Variants in RETREG3 observed in about 807,000 individuals in gnomAD.
The protein encoded by RETREG3 is reticulophagy regulator family member 3.
A neutral mutation model predicts 50.2 loss-of-function variants in RETREG3; 23 were observed. The observed-to-expected ratio is 0.46, with a 90% CI of 0.33 to 0.65. The LOEUF (loss-of-function observed/expected upper bound fraction) is 0.65, where lower values mean the gene tolerates loss of function less well. Among genes scored for constraint, RETREG3 ranks in the 30% least tolerant of loss-of-function variants. RETREG3 has a pLI of 0.02. For synonymous variants in RETREG3, 240 were observed against 234.4 expected, an observed-to-expected ratio of 1.02 and a Z score of -0.22; for missense variants, 546 against 598.0, an observed-to-expected ratio of 0.91 and a Z score of 0.91.
intron 1 of RETREG3, among the ~76,000 whole-genome samples, chr17:42,606,800 G>A (rs949101180): frequency 3.3e-5 from 5 of 151,790 alleles, no homozygotes; most frequent in Admixed American, 1.3e-4. Context: ...AGTTTGAGAC[G>A]AGCCTGGGCA....
chr17:42,601,696 G>A (rs112666141), intron 1 of RETREG3, among the ~76,000 whole-genome samples: 31,760 of 131,264 alleles, frequency 0.24, 4,374 homozygotes, highest in South Asian at 0.47. Flanking sequence ...GCAGTGGCGC[G>A]ATCTCGGGTC....
intron 2 of RETREG3, among the ~76,000 whole-genome samples, chr17:42,590,348 G>A (rs1254749947): frequency 6.6e-6 from 1 of 151,948 alleles, no homozygotes; most frequent in Non-Finnish European, 1.5e-5. Context: ...TCCAAAACCT[G>A]GACAACACAG....
rs2093114782 is a variant in RETREG3 at position 42,583,587 on chromosome 17, G to A, written c.728-7C>T. On this transcript the variant is annotated splice_region_variant and splice_polypyrimidine_tract_variant and intron_variant, in intron 6 of 8. Transcript: ENST00000309428. ...TGGAGAGCTCTGCGGCGTACTGTGG[G>A]AAGAGCACAAAGTCTTGCTTGATAC... is the stretch of plus-strand genomic sequence containing the variant. 6.2e-7 allele frequency: 1 copy of A among 1,612,408 alleles called. No individual in the cohort carries two copies. Among genetic ancestry groups the A allele is most frequent in the African/African-American group, 1.3e-5 (1 of 75,000 alleles).
chr17:42,584,834 A>C (rs969722688), intron 6 of RETREG3, among the ~76,000 whole-genome samples: 37 of 151,736 alleles, frequency 2.4e-4, no homozygotes, highest in South Asian at 2.1e-3. Context: ...AAAAAAAAAA[A>C]AAACAAACCA....
At chr17:42,584,317 G>A (rs1293802907) in intron 6 of RETREG3, among the ~76,000 whole-genome samples, 1 of 152,158 alleles carries the variant, frequency 6.6e-6, no homozygotes, top group African/African-American at 2.4e-5. Flanking sequence ...TGGTGACCAA[G>A]TGCAGGGCTC....
At chr17:42,589,625 G>A (rs2093128580) in intron 2 of RETREG3, among the ~76,000 whole-genome samples, 1 of 152,124 alleles carries the variant, frequency 6.6e-6, no homozygotes, top group Non-Finnish European at 1.5e-5. Context: ...GTAGAGACAA[G>A]GTTTCGCCAC....
chr17:42,583,549 G>A lies in RETREG3; in HGVS notation c.759C>T (p.Ala253=), dbSNP rs1382074298. 1 of 1,613,868 alleles carries A rather than the reference G, an allele frequency of 6.2e-7. No individual in the cohort carries two copies. Among genetic ancestry groups the A allele is most frequent in the South Asian group, 1.1e-5 (1 of 91,076 alleles). The change falls in exon 7 of 9, where the codon GCC becomes GCT. Residue 253 remains alanine, a synonymous_variant. Coordinates refer to ENST00000309428, the MANE Select transcript of RETREG3 (RefSeq NM_178126.4). ...LRRRALHPER[A]MDNHSDSEEE... is the part of the protein sequence containing the mutation. ...CTTCGCTGTCACTGTGGTTGTCCAT[G>A]GCTCGTTCTGGGTGGAGAGCTCTGC... is the stretch of plus-strand genomic sequence containing the variant.
chr17:42,608,801 C>T (rs923625038), intron 1 of RETREG3: 1 of 382,342 alleles, frequency 2.6e-6, no homozygotes, highest in Non-Finnish European at 4.7e-6. Flanking sequence ...AAAGAGGAGC[C>T]CTCGCTCACT....
Position 42,580,929 on chromosome 17 carries a change from A to G in RETREG3, c.*884T>C, listed in dbSNP as rs2093106415. On this transcript the variant is annotated 3_prime_UTR_variant, in exon 9 of 9. Coordinates refer to ENST00000309428, the MANE Select transcript of RETREG3 (RefSeq NM_178126.4). Reference sequence around the variant, plus strand: ...GTGGTGCATGCCTGTAATCTCAGCTACTGAGGAGGCTGAGGTAGGAGAATC... The same window carrying G: ...GTGGTGCATGCCTGTAATCTCAGCTGCTGAGGAGGCTGAGGTAGGAGAATC... 6.6e-6 allele frequency: 1 copy of G among 151,378 alleles called. No individual in the cohort carries two copies. The highest frequency in any genetic ancestry group is 1.5e-5 in the Non-Finnish European group (1 of 67,950). 9.4% of individuals were successfully genotyped at this position (151,378 alleles called of 1,614,324 possible). A position where few individuals can be genotyped will look rare whatever the true frequency, so the allele number is the denominator to read the frequency against.
intron 2 of RETREG3, among the ~76,000 whole-genome samples, chr17:42,591,427 G>A (rs1272793002): frequency 2.7e-5 from 4 of 150,186 alleles, no homozygotes; most frequent in Non-Finnish European, 5.9e-5. Context: ...TGCAACCTCC[G>A]CCTCCCAGGT....
In RETREG3 at chr17:42,595,329, A is replaced by C. The variant is rs1188292065; in HGVS notation, c.240-3167T>G. ...ACCATATTGGCTAGGCTGGTCTTGA[A>C]CTCCCTGACCTCGTGATCCTACCTT... is the stretch of plus-strand genomic sequence containing the variant. On this transcript the variant is annotated intron_variant, in intron 1 of 8. Coordinates refer to ENST00000309428, the MANE Select transcript of RETREG3 (RefSeq NM_178126.4). Among the ~76,000 whole-genome samples, 4 of 148,056 alleles carry C rather than the reference A, an allele frequency of 2.7e-5. No individual in the cohort carries two copies. The East Asian group carries it at 7.9e-4, about 29-fold the overall frequency.
intron 1 of RETREG3, among the ~76,000 whole-genome samples, chr17:42,597,827 G>A (rs542601532): frequency 1.3e-5 from 2 of 150,088 alleles, no homozygotes; most frequent in South Asian, 2.1e-4. Context: ...ACGGAGTTTC[G>A]TCTTGTTGGC....
intron 6 of RETREG3, among the ~76,000 whole-genome samples, chr17:42,584,727 G>A (rs934131010): frequency 6.1e-5 from 9 of 148,050 alleles, no homozygotes; most frequent in African/African-American, 1.7e-4. Flanking sequence ...TGAGTAGAAG[G>A]ATCACTTGAG....
Position 42,609,061 on chromosome 17 carries a change from G to T in RETREG3, c.239+25C>A, listed in dbSNP as rs769960968. The T allele has an allele frequency of 7.5e-6, 12 of 1,596,264 alleles. No individual in the cohort carries two copies. In the Admixed American group the frequency reaches 2.0e-4, roughly 27 times the overall value. ...AACCAACGAATTCGGGACTCGGAGGGTTTCCGAGGGTCCAGTTCTCTCACC... is the reference window on the plus strand; with the variant it reads ...AACCAACGAATTCGGGACTCGGAGGTTTTCCGAGGGTCCAGTTCTCTCACC... On this transcript the variant is annotated intron_variant, in intron 1 of 8. Transcript: ENST00000309428.
At chr17:42,608,418 G>A (rs1330144105) in intron 1 of RETREG3, among the ~76,000 whole-genome samples, 2 of 152,168 alleles carry the variant, frequency 1.3e-5, no homozygotes, top group Non-Finnish European at 2.9e-5. Context: ...ATAAACCATG[G>A]CTAAGGATGC....
chr17:42,594,744 G>A (rs1260786680), intron 1 of RETREG3, among the ~76,000 whole-genome samples: 7 of 151,510 alleles, frequency 4.6e-5, no homozygotes, highest in African/African-American at 1.5e-4. Context: ...CCAGCTACTC[G>A]GGAGGCTGAG....
intron 4 of RETREG3, 50 bp from the exon 5 acceptor site, chr17:42,586,187 G>A (rs775394680): frequency 2.4e-5 from 38 of 1,578,160 alleles, no homozygotes; most frequent in Non-Finnish European, 3.0e-5. Flanking sequence ...GCAGGGGACT[G>A]GGGTGGGTGT....
At chr17:42,591,756 G>A (rs917652076) in intron 2 of RETREG3, among the ~76,000 whole-genome samples, 5 of 152,128 alleles carry the variant, frequency 3.3e-5, no homozygotes, top group Admixed American at 3.3e-4. Flanking sequence ...GTCCAATAAC[G>A]ATAATTTATT....
rs560241470 is a variant in RETREG3, at chr17:42,591,972, C to G, written c.346+84G>C. 11 of 1,194,676 alleles carry G rather than the reference C, an allele frequency of 9.2e-6. No homozygotes were observed. The African/African-American group carries it at 1.7e-4, about 18-fold the overall frequency. 74.0% of individuals were successfully genotyped at this position (1,194,676 alleles called of 1,614,324 possible). ...AGACAGTCCCCAGCTCCATACACCT[C>G]CTCATAAACCCCTAATACTAAAGGT... On this transcript the variant is annotated intron_variant, in intron 2 of 8. Coordinates refer to ENST00000309428, the MANE Select transcript of RETREG3 (RefSeq NM_178126.4).
Sources: allele counts gnomAD v4.1 joint callset (sites outside exome capture counted in the v4.1 genomes callset), GRCh38; gene constraint gnomAD v4.1.1; transcripts MANE v1.5; gene names NCBI Gene and HGNC (gene_info 2026-07-23, HGNC 2026-07-21).